ACYP2: variants seen among roughly 807,000 people sequenced by gnomAD.
The protein encoded by ACYP2 is acylphosphatase-2.
In ACYP2, 12 loss-of-function variants were observed where a neutral mutation model predicts 11.2. The ratio of observed to expected loss-of-function variants is 1.08; its 90% CI spans 0.69 to 1.74. The LOEUF is 1.74. ACYP2 is among the 40% of genes most tolerant of loss of function. The pLI, the probability that ACYP2 is intolerant of heterozygous loss-of-function variation, is 0.00. For synonymous variants in ACYP2, 43 were observed against 32.2 expected, an observed-to-expected ratio of 1.33 and a Z score of -1.13; for missense variants, 134 against 101.9, an observed-to-expected ratio of 1.31 and a Z score of -1.35.
intron 6 of ACYP2, among the ~76,000 whole-genome samples, chr2:54,266,493 C>T (rs181445743): frequency 1.4e-3 from 218 of 150,654 alleles, no homozygotes; most frequent in African/African-American, 5.2e-3. Context: ...ATCATTGGCC[C>T]TGTTCAACAG....
intron 2 of ACYP2, among the ~76,000 whole-genome samples, chr2:54,044,399 A>C (rs1675405539): frequency 6.6e-6 from 1 of 151,708 alleles, no homozygotes; most frequent in Admixed American, 6.6e-5. Flanking sequence ...GTTCAAGACT[A>C]GCCTGGGCAA....
intron 4 of ACYP2, among the ~76,000 whole-genome samples, chr2:54,068,495 C>T (rs537150873): frequency 6.6e-6 from 1 of 152,078 alleles, no homozygotes; most frequent in African/African-American, 2.4e-5. Context: ...CCATTGCTTT[C>T]GACTCATGTG....
intron 2 of ACYP2, among the ~76,000 whole-genome samples, chr2:54,045,068 G>A (rs924065243): frequency 6.6e-6 from 1 of 152,132 alleles, no homozygotes; most frequent in African/African-American, 2.4e-5. Flanking sequence ...ATTATAAAAT[G>A]TTAAGTTTTC....
At chr2:54,033,055 A>G (rs1217689440) in intron 2 of ACYP2, among the ~76,000 whole-genome samples, 1 of 152,210 alleles carries the variant, frequency 6.6e-6, no homozygotes, top group Non-Finnish European at 1.5e-5. Flanking sequence ...TATGAGGATT[A>G]AAGCCCAAGG....
intron 6 of ACYP2, among the ~76,000 whole-genome samples, chr2:54,226,673 T>C (rs698752): frequency 6.6e-6 from 1 of 151,932 alleles, no homozygotes; most frequent in South Asian, 2.1e-4. Context: ...ATGGAACATG[T>C]AGTCTTTTCC....
At chr2:54,038,672 A>G (rs1675040059) in intron 2 of ACYP2, among the ~76,000 whole-genome samples, 3 of 94,854 alleles carry the variant, frequency 3.2e-5, no homozygotes, top group Non-Finnish European at 6.2e-5. Flanking sequence ...TTTATTGAAT[A>G]CTATATATAT....
At chr2:54,284,714 A>C (rs1689006422) in intron 6 of ACYP2, among the ~76,000 whole-genome samples, 1 of 152,208 alleles carries the variant, frequency 6.6e-6, no homozygotes, top group Non-Finnish European at 1.5e-5. Flanking sequence ...TGATAAAGCT[A>C]TGTTGACTGT....
Position 54,236,740 on chromosome 2 carries a change from ATTATC to A in ACYP2, c.405-67946_405-67942del, listed in dbSNP as rs1194086511. ...GTTCAAATTTTACATATCGTTATAAATTATCTGATATACCTGAGAGAGGTATGTTC... is the reference window on the plus strand; with the variant it reads ...GTTCAAATTTTACATATCGTTATAAATGATATACCTGAGAGAGGTATGTTC... On this transcript the variant is annotated intron_variant, in intron 6 of 6. Transcript: ENST00000607452. Among the ~76,000 whole-genome samples, 8 of 152,326 alleles carry A rather than the reference ATTATC, an allele frequency of 5.3e-5. No homozygotes were observed. The East Asian group carries it at 1.5e-3, about 29-fold the overall frequency.
chr2:54,062,699 T>C (rs1013375419), intron 4 of ACYP2, among the ~76,000 whole-genome samples: 2 of 152,260 alleles, frequency 1.3e-5, no homozygotes, highest in African/African-American at 2.4e-5. Flanking sequence ...GCTTTCTACA[T>C]GTATACCATA....
At chr2:54,118,420 TTTAC>T (rs1679944237) in intron 4 of ACYP2, among the ~76,000 whole-genome samples, 1 of 152,236 alleles carries the variant, frequency 6.6e-6, no homozygotes, top group African/African-American at 2.4e-5. Flanking sequence ...TTCACTGTTG[TTTAC>T]TTAATCATCA....
chr2:54,115,946 A>C, intron 4 of ACYP2, among the ~76,000 whole-genome samples, 190 bp downstream of exon 1: 1 of 149,868 alleles, frequency 6.7e-6, no homozygotes. Context: ...GACGGGCGGA[A>C]GTACGGGAAT....
chr2:54,199,817 T>A (rs1400785191), intron 6 of ACYP2, among the ~76,000 whole-genome samples: 2 of 152,092 alleles, frequency 1.3e-5, no homozygotes, highest in African/African-American at 4.8e-5. Flanking sequence ...TCAGTGCCTT[T>A]AACCACTGCA....
intron 2 of ACYP2, among the ~76,000 whole-genome samples, chr2:54,015,914 C>T (rs1380344725): frequency 6.6e-6 from 1 of 151,964 alleles, no homozygotes; most frequent in Non-Finnish European, 1.5e-5. Context: ...ATTTTCCCAC[C>T]TCAGCCTCCC....
chr2:54,016,794 C>G (rs183809823), intron 2 of ACYP2, among the ~76,000 whole-genome samples: 1 of 148,586 alleles, frequency 6.7e-6, no homozygotes, highest in East Asian at 2.0e-4. Flanking sequence ...GGCACGATCT[C>G]GGCTCACTGC....
Position 54,157,835 on chromosome 2 carries a change from A to G in ACYP2, c.404+19087A>G, listed in dbSNP as rs183440965. On this transcript the variant is annotated intron_variant, in intron 6 of 6. Coordinates refer to ENST00000607452, the MANE Select transcript of ACYP2 (RefSeq NM_001320586.2). ...TTCTAAGCTAAGAGATGCATGGTGA[A>G]GAGGAGGCTGTCAGTGCAGAGGGTC... Among the ~76,000 whole-genome samples, 225 of 152,270 alleles carry G rather than the reference A, an allele frequency of 1.5e-3. 2 individuals are homozygous for G. Among genetic ancestry groups the G allele is most frequent in the African/African-American group, 5.2e-3 (215 of 41,556 alleles).
chr2:54,145,794 T>C (rs10201710), intron 6 of ACYP2, among the ~76,000 whole-genome samples: 45,505 of 152,020 alleles, frequency 0.3, 7,569 homozygotes, highest in African/African-American at 0.47. Flanking sequence ...ACTCTATATA[T>C]CCATCAATAT....
chr2:54,256,179 T>G (rs765881472), intron 6 of ACYP2: 155 of 1,590,362 alleles, frequency 9.7e-5, no homozygotes, highest in Non-Finnish European at 1.2e-4. Flanking sequence ...CAGCAGTGGG[T>G]AGAGGCCAGG....
At chr2:53,987,298 C>T (rs1267116780) in intron 2 of ACYP2, among the ~76,000 whole-genome samples, 1 of 149,780 alleles carries the variant, frequency 6.7e-6, no homozygotes, top group South Asian at 2.1e-4. Context: ...TTGAGCTGTA[C>T]ATTTATGATA....
Position 54,256,143 on chromosome 2 carries a change from G to A in ACYP2, c.405-48545G>A, listed in dbSNP as rs368647094. 3.3e-4 allele frequency: 538 copies of A among 1,611,886 alleles called. 2 individuals are homozygous for A. The highest frequency in any genetic ancestry group is 1.7e-3 in the South Asian group (154 of 90,822). ...TAGCGGGGCTGTGAGGACTCTCCGGGAGGCTCATGTTGGTAGCGGCCAGGG... is the reference window on the plus strand; with the variant it reads ...TAGCGGGGCTGTGAGGACTCTCCGGAAGGCTCATGTTGGTAGCGGCCAGGG... On this transcript the variant is annotated intron_variant, in intron 6 of 6. Transcript: ENST00000607452.
Sources: allele counts gnomAD v4.1 joint callset (sites outside exome capture counted in the v4.1 genomes callset), GRCh38; gene constraint gnomAD v4.1.1; transcripts MANE v1.5; gene names NCBI Gene and HGNC (gene_info 2026-07-23, HGNC 2026-07-21).